The following CRISPLD2 variants were observed in gnomAD, a reference collection of about 807,000 sequenced individuals.
CRISPLD2 encodes cysteine-rich secretory protein LCCL domain-containing 2.
Under a neutral mutation model 71.1 loss-of-function variants are expected in CRISPLD2, and 47 were observed. The observed-to-expected ratio is 0.66, with a 90% CI of 0.52 to 0.84. The LOEUF is 0.84. Ranked by LOEUF, CRISPLD2 falls within the 40% of genes least tolerant of loss-of-function variation. CRISPLD2 has a pLI of 0.00. For missense variants in CRISPLD2, 830 were observed against 651.1 expected, an observed-to-expected ratio of 1.27 and a Z score of -2.99; for synonymous variants, 317 against 250.1, an observed-to-expected ratio of 1.27 and a Z score of -2.52.
chr16:84,892,544 A>G (rs1439693113), intron 14 of CRISPLD2, among the ~76,000 whole-genome samples: 1 of 152,144 alleles, frequency 6.6e-6, no homozygotes, highest in Non-Finnish European at 1.5e-5. Context: ...GTTGTCCAGT[A>G]CAGTAGCCAC....
intron 13 of CRISPLD2, among the ~76,000 whole-genome samples, chr16:84,883,335 C>G (rs188384908): frequency 6.6e-6 from 1 of 152,364 alleles, no homozygotes; most frequent in Admixed American, 6.5e-5. Flanking sequence ...CGGCTCCCGC[C>G]TGTTCACCAG....
intron 9 of CRISPLD2, among the ~76,000 whole-genome samples, 178 bp downstream of exon 9, chr16:84,872,686 G>A (rs544274712): frequency 1.6e-4 from 25 of 152,266 alleles, no homozygotes; most frequent in Admixed American, 1.3e-3. Context: ...AGCCACTTTC[G>A]GGGACCAATC....
In CRISPLD2 at chr16:84,897,507, A is replaced by T. The variant is rs73253458; in HGVS notation, c.1439+8144A>T. On this transcript the variant is annotated intron_variant, in intron 14 of 14. Transcript: ENST00000262424. ...TAGTGAAAATAATTTTAAGATCTTC[A>T]TAGCACTCAACTTCCCATACCCAGA... Among the ~76,000 whole-genome samples, 580 of 152,318 alleles carry T rather than the reference A, an allele frequency of 3.8e-3. 2 individuals carry two copies. The highest frequency in any genetic ancestry group is 0.013 in the African/African-American group (544 of 41,578).
intron 6 of CRISPLD2, among the ~76,000 whole-genome samples, chr16:84,864,780 G>C (rs781138999): frequency 6.6e-6 from 1 of 152,238 alleles, no homozygotes; most frequent in African/African-American, 2.4e-5. Context: ...GCAGCTGGTG[G>C]ATGAGGCAGG....
At chr16:84,904,160 T>A (rs954287601) in intron 14 of CRISPLD2, among the ~76,000 whole-genome samples, 1 of 152,152 alleles carries the variant, frequency 6.6e-6, no homozygotes, top group African/African-American at 2.4e-5. Context: ...CCTGGTGTTC[T>A]AGAAGGCTGT....
At chr16:84,881,488 C>T (rs1426880321) in intron 13 of CRISPLD2, among the ~76,000 whole-genome samples, 1 of 152,188 alleles carries the variant, frequency 6.6e-6, no homozygotes, top group Non-Finnish European at 1.5e-5. Flanking sequence ...TGACTGTGGT[C>T]CCACTTCTGC....
At chr16:84,906,014 T>C (rs531254445) in intron 14 of CRISPLD2, among the ~76,000 whole-genome samples, 2 of 152,186 alleles carry the variant, frequency 1.3e-5, no homozygotes, top group African/African-American at 4.8e-5. Flanking sequence ...GGCCTAAAGC[T>C]CTTTTTTAAA....
rs1171134791 is a variant in CRISPLD2, at chr16:84,907,999, G to C, written c.*1357G>C. 6.6e-6 allele frequency: 1 copy of C among 152,204 alleles called. No homozygotes were observed. Among genetic ancestry groups the C allele is most frequent in the African/African-American group, 2.4e-5 (1 of 41,456 alleles). 9.4% of individuals were successfully genotyped at this position (152,204 alleles called of 1,614,324 possible). A position where few individuals can be genotyped will look rare whatever the true frequency, so the allele number is the denominator to read the frequency against. The stretch of plus-strand genomic sequence containing the variant: ...AATTCCACTCTCTACCACCGGGCCA[G>C]CCAATAGATCACTTTGGTGAATGCT... On this transcript the variant is annotated 3_prime_UTR_variant, in exon 15 of 15. Transcript: ENST00000262424.
At chr16:84,824,732 T>C in intron 1 of CRISPLD2, among the ~76,000 whole-genome samples, 1 of 152,228 alleles carries the variant, frequency 6.6e-6, no homozygotes, top group East Asian at 1.9e-4. Context: ...TCAGGTTCTC[T>C]GCCAGTGGGA....
intron 8 of CRISPLD2, among the ~76,000 whole-genome samples, chr16:84,870,982 T>C (rs1219599521): frequency 6.6e-6 from 1 of 152,016 alleles, no homozygotes; most frequent in Non-Finnish European, 1.5e-5. Flanking sequence ...CGCTTGAACC[T>C]GGGAGGTGGA....
At chr16:84,904,049 G>A (rs947971807) in intron 14 of CRISPLD2, among the ~76,000 whole-genome samples, 1 of 152,182 alleles carries the variant, frequency 6.6e-6, no homozygotes, top group Non-Finnish European at 1.5e-5. Flanking sequence ...ACACAGGAAG[G>A]CCAGTTGGTC....
chr16:84,845,953 G>T (rs143154352), intron 3 of CRISPLD2, 49 bp downstream of exon 3: 16,623 of 1,267,892 alleles, frequency 0.013, 153 homozygotes, highest in Non-Finnish European at 0.016. Context: ...CCACTGCCGT[G>T]TGCCGGGCTC....
At position 84,823,366 on chromosome 16, in the gene CRISPLD2, G is replaced by A. The variant is rs75627216; in HGVS notation, c.-75+3233G>A. ...GGGCGGATGTTTTCATATCTCTTGAGTGTTTACCTGGGAGGGAATTGCTGG... is the reference window on the plus strand; with the variant it reads ...GGGCGGATGTTTTCATATCTCTTGAATGTTTACCTGGGAGGGAATTGCTGG... On this transcript the variant is annotated intron_variant, in intron 1 of 14. Coordinates refer to ENST00000262424, the MANE Select transcript of CRISPLD2 (RefSeq NM_031476.4). Among the ~76,000 whole-genome samples, 808 of 152,342 alleles carry A rather than the reference G, an allele frequency of 5.3e-3. 8 individuals are homozygous for A. The highest frequency in any genetic ancestry group is 0.019 in the African/African-American group (780 of 41,572).
intron 6 of CRISPLD2, among the ~76,000 whole-genome samples, chr16:84,858,763 A>G (rs1003900125): frequency 2.0e-5 from 3 of 152,240 alleles, no homozygotes; most frequent in African/African-American, 7.2e-5. Context: ...CTGAAGGCAA[A>G]TTACTTCTGG....
chr16:84,872,563 T>G lies in CRISPLD2; in HGVS notation c.981+55T>G, dbSNP rs921955374. On this transcript the variant is annotated intron_variant, in intron 9 of 14. Coordinates refer to ENST00000262424, the MANE Select transcript of CRISPLD2 (RefSeq NM_031476.4). ...CTTGTGTGGGATCCTGTTGCATATG[T>G]TTAAAGCAGGTGGTTGGCTTTAGTA... 7.5e-6 allele frequency: 11 copies of G among 1,457,458 alleles called. No homozygotes were observed. The Admixed American group carries it at 1.9e-4, about 25-fold the overall frequency. 90.3% of individuals were successfully genotyped at this position (1,457,458 alleles called of 1,614,324 possible). A position where few individuals can be genotyped will look rare whatever the true frequency, so the allele number is the denominator to read the frequency against.
At chr16:84,858,111 C>T (rs142760585) in intron 6 of CRISPLD2, among the ~76,000 whole-genome samples, 95 of 152,300 alleles carry the variant, frequency 6.2e-4, no homozygotes, top group African/African-American at 2.0e-3. Context: ...ATCCTAGAGG[C>T]CTCTGCTGTG....
intron 14 of CRISPLD2, among the ~76,000 whole-genome samples, chr16:84,900,550 ACACAGCGCTGGGAGGCATCG>A (rs754722463): frequency 1.3e-4 from 4 of 30,152 alleles, no homozygotes; most frequent in African/African-American, 1.8e-4. Context: ...GGGAGGCATC[ACACAGCGCTGGGAGGCATCG>A]CACAGCCCCG....
Position 84,906,770 on chromosome 16 carries a change from C to A in CRISPLD2, c.*128C>A, listed in dbSNP as rs758006312. The A allele has an allele frequency of 1.9e-6, 2 of 1,074,008 alleles. No individual in the cohort carries two copies. Among genetic ancestry groups the A allele is most frequent in the African/African-American group, 1.6e-5 (1 of 64,166 alleles). The allele number at this position is 1,074,008 out of a possible 1,614,324, so 66.5% of individuals were successfully genotyped here. On this transcript the variant is annotated 3_prime_UTR_variant, in exon 15 of 15. Coordinates refer to ENST00000262424, the MANE Select transcript of CRISPLD2 (RefSeq NM_031476.4). ...CCTTTGACTGATGTTCAGTGTCCAT[C>A]ACTTTGTGGCCTGTGGGTGAGGTGA...
chr16:84,833,692 G>C (rs1459033023), intron 1 of CRISPLD2, among the ~76,000 whole-genome samples: 1 of 152,150 alleles, frequency 6.6e-6, no homozygotes. Context: ...ATCATATCTG[G>C]GTCAAAGGCG....
Sources: allele counts gnomAD v4.1 joint callset (sites outside exome capture counted in the v4.1 genomes callset), GRCh38; gene constraint gnomAD v4.1.1; transcripts MANE v1.5; gene names NCBI Gene and HGNC (gene_info 2026-07-23, HGNC 2026-07-21).